The following ENY2 variants were observed in gnomAD, a reference collection of about 807,000 sequenced individuals.
The protein encoded by ENY2 is ENY2 transcription and export complex 2 subunit, also known as transcription and mRNA export factor ENY2.
In ENY2, 4 loss-of-function variants were observed where a neutral mutation model predicts 15.9. The observed-to-expected ratio is 0.25, with a 90% CI of 0.12 to 0.57. The LOEUF (loss-of-function observed/expected upper bound fraction) is 0.57, where lower values mean the gene tolerates loss of function less well. Ranked by LOEUF, ENY2 falls within the 20% of genes least tolerant of loss-of-function variation. The pLI, the probability that ENY2 is intolerant of heterozygous loss-of-function variation, is 0.91. For missense variants in ENY2, 54 were observed against 117.2 expected (o/e 0.46, Z 2.49); for synonymous variants, 48 against 38.0 (o/e 1.26, Z -0.97).
intron 2 of ENY2, among the ~76,000 whole-genome samples, chr8:109,337,312 T>C (rs981891008): frequency 6.6e-6 from 1 of 151,906 alleles, no homozygotes; most frequent in Non-Finnish European, 1.5e-5. Flanking sequence ...CTTGGGTAGC[T>C]TTAGAGGATA....
Position 109,345,207 on chromosome 8 carries a change from C to T in ENY2, c.*1726C>T, listed in dbSNP as rs1447261457. On this transcript the variant is annotated 3_prime_UTR_variant, in exon 5 of 5. Transcript: ENST00000521688. ...GAAGCAGCTATGCATAATTCCTCTT[C>T]AACACAGTAGTTCTTGAAATTTTGC... is the stretch of plus-strand genomic sequence containing the variant. The T allele has an allele frequency of 2.0e-5, 3 of 152,156 alleles. No homozygotes were observed. The highest frequency in any genetic ancestry group is 4.4e-5 in the Non-Finnish European group (3 of 68,038). The allele number at this position is 152,156 out of a possible 1,614,324, so 9.4% of individuals were successfully genotyped here.
At chr8:109,340,682 G>T in intron 4 of ENY2, 119 bp downstream of exon 4, 1 of 1,329,054 alleles carries the variant, frequency 7.5e-7, no homozygotes, top group Non-Finnish European at 1.0e-6. Flanking sequence ...GTTGCCTCTT[G>T]TAAAGAGTTA....
chr8:109,342,603 G>A (rs1019851561), intron 4 of ENY2: 1 of 645,300 alleles, frequency 1.5e-6, no homozygotes, highest in African/African-American at 1.8e-5. Context: ...GATCTCCCAG[G>A]CTTAAGTGAT....
intron 2 of ENY2, among the ~76,000 whole-genome samples, chr8:109,337,877 T>G (rs1439066059): frequency 6.6e-6 from 1 of 150,710 alleles, no homozygotes; most frequent in African/African-American, 2.4e-5. Flanking sequence ...CCAGCCTGGG[T>G]GATAAGAGTG....
intron 2 of ENY2, among the ~76,000 whole-genome samples, chr8:109,338,009 G>A (rs1816028298): frequency 6.6e-6 from 1 of 152,196 alleles, no homozygotes; most frequent in African/African-American, 2.4e-5. Context: ...GGGAGACTGA[G>A]TAAATTGGGT....
intron 4 of ENY2, 78 bp from the exon 5 acceptor site, chr8:109,343,327 G>A: frequency 8.6e-7 from 1 of 1,166,196 alleles, no homozygotes; most frequent in Non-Finnish European, 1.2e-6. Context: ...TGTTTACCCT[G>A]AGCAAAATGT....
chr8:109,335,107 G>A (rs1413856672), intron 1 of ENY2: 1 of 152,184 alleles, frequency 6.6e-6, no homozygotes, highest in Admixed American at 6.5e-5. Flanking sequence ...TGGCTTTAAC[G>A]CTTTCAAAAC....
chr8:109,338,935 AT>A (rs998901204), intron 2 of ENY2: 2 of 170,352 alleles, frequency 1.2e-5, no homozygotes, highest in African/African-American at 2.4e-5. Context: ...GGATTTTGGA[AT>A]TTGAAGATTT....
At position 109,336,092 on chromosome 8, in the gene ENY2, A is replaced by G. The variant is rs780932929; in HGVS notation, c.7-36A>G. On this transcript the variant is annotated intron_variant, in intron 1 of 4. Transcript: ENST00000521688. ...AGGATTTAGCAGAAAATGCTTTGTAAATGTTCTATATCTGAAAGTACATGT... is the reference window on the plus strand; with the variant it reads ...AGGATTTAGCAGAAAATGCTTTGTAGATGTTCTATATCTGAAAGTACATGT... 13 of 1,601,936 alleles carry G rather than the reference A, an allele frequency of 8.1e-6. No individual in the cohort carries two copies. The African/African-American group carries it at 1.5e-4, about 18-fold the overall frequency.
In ENY2 at chr8:109,344,236, ACT is replaced by A. The variant is rs1816184801; in HGVS notation, c.*760_*761del. The A allele has an allele frequency of 6.6e-6, 1 of 151,828 alleles. No homozygotes were observed. The highest frequency in any genetic ancestry group is 1.5e-5 in the Non-Finnish European group (1 of 68,016). The allele number at this position is 151,828 out of a possible 1,614,324, so 9.4% of individuals were successfully genotyped here. A position where few individuals can be genotyped will look rare whatever the true frequency, so the allele number is the denominator to read the frequency against. ...AATGTTGACCATCCTGCCACTTGGAACTCTCTTCCCACTCCTCACATTGCTTT... is the reference window on the plus strand; with the variant it reads ...AATGTTGACCATCCTGCCACTTGGAACTCTTCCCACTCCTCACATTGCTTT... On this transcript the variant is annotated 3_prime_UTR_variant, in exon 5 of 5. Coordinates refer to ENST00000521688, the MANE Select transcript of ENY2 (RefSeq NM_020189.6).
chr8:109,343,637 G>T lies in ENY2; in HGVS notation c.*156G>T. On this transcript the variant is annotated 3_prime_UTR_variant, in exon 5 of 5. Coordinates refer to ENST00000521688, the MANE Select transcript of ENY2 (RefSeq NM_020189.6). ...TGTATTGATTTTTTTCCCTAAATGT[G>T]TTATTTTAATAAATATCTCATGAAT... 1.9e-6 allele frequency: 1 copy of T among 539,088 alleles called. No homozygotes were observed. The highest frequency in any genetic ancestry group is 3.1e-6 in the Non-Finnish European group (1 of 319,286). 33.4% of individuals were successfully genotyped at this position (539,088 alleles called of 1,614,324 possible). A position where few individuals can be genotyped will look rare whatever the true frequency, so the allele number is the denominator to read the frequency against.
At chr8:109,339,087 A>G (rs1233506148) in intron 2 of ENY2, 3 of 550,700 alleles carry the variant, frequency 5.4e-6, no homozygotes, top group South Asian at 4.8e-5. Flanking sequence ...TAGCCCCTCC[A>G]CTTCATTTAA....
Position 109,340,511 on chromosome 8 carries a change from A to C in ENY2, c.177A>C (p.Leu59=), listed in dbSNP as rs766117103. 1 of 1,613,472 alleles carries C rather than the reference A, an allele frequency of 6.2e-7. No homozygotes were observed. Among genetic ancestry groups the C allele is most frequent in the East Asian group, 2.2e-5 (1 of 44,788 alleles). ...HCKEVIKEKG[L]EHVTVDDLVA... is the part of the protein sequence containing the mutation. The stretch of plus-strand genomic sequence containing the variant: ...AAGAGGTAATTAAAGAAAAAGGACT[A>C]GAACACGTTACTGTTGATGACTTGG... The change falls in exon 4 of 5, where the codon CTA becomes CTC. Residue 59 remains leucine, a synonymous_variant. Coordinates refer to ENST00000521688, the MANE Select transcript of ENY2 (RefSeq NM_020189.6).
Position 109,343,550 on chromosome 8 carries a change from T to C in ENY2, c.*69T>C. ...AAACTTGCCATAAATTAGAAAACAA[T>C]TTCCCAAAATAAAATCCTTTTTTGT... On this transcript the variant is annotated 3_prime_UTR_variant, in exon 5 of 5. Transcript: ENST00000521688. 1.4e-6 allele frequency: 2 copies of C among 1,416,358 alleles called. No individual in the cohort carries two copies. The highest frequency in any genetic ancestry group is 2.5e-5 in the South Asian group (2 of 80,882). 87.7% of individuals were successfully genotyped at this position (1,416,358 alleles called of 1,614,324 possible).
chr8:109,339,448 G>T, intron 3 of ENY2, 58 bp downstream of exon 3: 1 of 1,470,538 alleles, frequency 6.8e-7, no homozygotes, highest in South Asian at 1.2e-5. Context: ...GGATTGGTTT[G>T]GGGGTTGCTT....
chr8:109,339,327 G>A lies in ENY2; in HGVS notation c.91G>A (p.Glu31Lys), dbSNP rs1239357575. ...ACACTTCTGTTTCAACAGCCTCAAA[G>A]AGTTGCTGAGAGCTAAATTAATTGA... ...IETGERERLK[E>K]LLRAKLIECG... Residue 31 changes from glutamate (E) to lysine (K), a missense_variant, in exon 3 of 5, where the codon GAG (glutamate) becomes AAG (lysine). Coordinates refer to ENST00000521688, the MANE Select transcript of ENY2 (RefSeq NM_020189.6). 1.2e-6 allele frequency: 2 copies of A among 1,613,676 alleles called. No homozygotes were observed. Among genetic ancestry groups the A allele is most frequent in the Admixed American group, 3.3e-5 (2 of 60,010 alleles).
intron 3 of ENY2, 36 bp downstream of exon 3, chr8:109,339,426 T>C: frequency 6.3e-7 from 1 of 1,579,808 alleles, no homozygotes; most frequent in Admixed American, 1.7e-5. Context: ...ACTAATCCCA[T>C]TTTTCTGATC....
intron 1 of ENY2, chr8:109,335,762 G>A (rs1329580977): frequency 6.1e-6 from 1 of 164,332 alleles, no homozygotes; most frequent in Non-Finnish European, 1.3e-5. Context: ...GAAGTGATCG[G>A]CAGTTATGTT....
At chr8:109,335,856 C>T (rs1306766833) in intron 1 of ENY2, 1 of 229,752 alleles carries the variant, frequency 4.4e-6, no homozygotes, top group African/African-American at 2.3e-5. Flanking sequence ...GTTTCCTCAT[C>T]AGTAAAATAC....
Sources: gnomAD v4.1 joint callset for allele counts (sites outside exome capture counted in the v4.1 genomes callset) on GRCh38, gnomAD v4.1.1 for gene constraint, MANE v1.5 for transcripts, NCBI Gene and HGNC (gene_info 2026-07-23, HGNC 2026-07-21) for gene names.